FRMD5: variants seen among roughly 807,000 people sequenced by gnomAD.
The protein encoded by FRMD5 is FERM domain containing 5.
In FRMD5, 20 loss-of-function variants were observed where a neutral mutation model predicts 69.0. The ratio of observed to expected loss-of-function variants is 0.29; its 90% CI spans 0.20 to 0.42. The LOEUF (loss-of-function observed/expected upper bound fraction) is 0.42, where lower values mean the gene tolerates loss of function less well. Ranked by LOEUF, FRMD5 falls within the 10% of genes least tolerant of loss-of-function variation. The pLI is 1.00. For missense variants in FRMD5, 595 were observed against 708.6 expected (o/e 0.84, Z 1.82); for synonymous variants, 271 against 260.1 (o/e 1.04, Z -0.40).
rs533066687 is a variant in FRMD5 at position 44,001,018 on chromosome 15, T to C, written c.103-76709A>G. 5.9e-5 allele frequency among the ~76,000 whole-genome samples: 9 copies of C among 152,270 alleles called. No homozygotes were observed. The East Asian group carries it at 1.7e-3, about 29-fold the overall frequency. On this transcript the variant is annotated intron_variant, in intron 1 of 13. Transcript: ENST00000417257. ...CTAATTTACATTCCCATTAAGAGTG[T>C]ACAAGGGTTCCCTTTTCTCACCGAT... is the stretch of plus-strand genomic sequence containing the variant.
chr15:44,106,684 C>T (rs1328408461), intron 1 of FRMD5, among the ~76,000 whole-genome samples: 1 of 151,992 alleles, frequency 6.6e-6, no homozygotes, highest in African/African-American at 2.4e-5. Context: ...TGTGTAAGAT[C>T]TCTGCACTTA....
intron 3 of FRMD5, 53 bp from the exon 4 acceptor site, chr15:43,919,590 AG>A: frequency 6.5e-7 from 1 of 1,546,912 alleles, no homozygotes; most frequent in Middle Eastern, 1.7e-4. Context: ...AGAAGAGGAC[AG>A]GGCTCTTCTG....
At chr15:44,002,252 T>C (rs1890246408) in intron 1 of FRMD5, among the ~76,000 whole-genome samples, 1 of 152,144 alleles carries the variant, frequency 6.6e-6, no homozygotes, top group Non-Finnish European at 1.5e-5. Context: ...GTGTGATCAT[T>C]GTTATTGGAG....
At chr15:44,002,279 C>A (rs1890248237) in intron 1 of FRMD5, among the ~76,000 whole-genome samples, 1 of 152,032 alleles carries the variant, frequency 6.6e-6, no homozygotes, top group South Asian at 2.1e-4. Context: ...TCGTCACAGG[C>A]CTTCTCAGTA....
intron 1 of FRMD5, among the ~76,000 whole-genome samples, chr15:44,190,850 C>T (rs1238528414): frequency 6.6e-6 from 1 of 152,180 alleles, no homozygotes; most frequent in African/African-American, 2.4e-5. Flanking sequence ...AGGCATCGAA[C>T]TAGATGTGAT....
intron 1 of FRMD5, among the ~76,000 whole-genome samples, chr15:43,985,087 C>T (rs1326114845): frequency 3.3e-5 from 5 of 151,392 alleles, no homozygotes; most frequent in Non-Finnish European, 5.9e-5. Context: ...AAGACCATCC[C>T]GGCTAACATG....
chr15:44,126,864 G>C (rs1274739877), intron 1 of FRMD5, among the ~76,000 whole-genome samples: 1 of 152,128 alleles, frequency 6.6e-6, no homozygotes, highest in Non-Finnish European at 1.5e-5. Flanking sequence ...CTAGAAGTAA[G>C]GGGAATAGTC....
At chr15:44,017,060 C>T (rs563003802) in intron 1 of FRMD5, among the ~76,000 whole-genome samples, 86 of 151,876 alleles carry the variant, frequency 5.7e-4, no homozygotes, top group African/African-American at 2.0e-3. Context: ...ATGAACTGGC[C>T]GGGTGCGGTG....
chr15:44,182,324 C>CT (rs71111843), intron 1 of FRMD5, among the ~76,000 whole-genome samples: 11 of 85,644 alleles, frequency 1.3e-4, no homozygotes, highest in East Asian at 9.5e-4. Flanking sequence ...CATTGCTTTT[C>CT]TTTTTTTTTT....
intron 1 of FRMD5, among the ~76,000 whole-genome samples, chr15:44,137,931 G>A (rs1387277225): frequency 6.6e-6 from 1 of 152,110 alleles, no homozygotes; most frequent in African/African-American, 2.4e-5. Flanking sequence ...ATGTCATACT[G>A]TACAATAAAA....
intron 1 of FRMD5, among the ~76,000 whole-genome samples, chr15:44,181,252 C>G (rs2077996131): frequency 6.6e-6 from 1 of 151,952 alleles, no homozygotes; most frequent in Admixed American, 6.6e-5. Flanking sequence ...CTATGTTGCC[C>G]AGGCTGGTCT....
intron 13 of FRMD5, chr15:43,879,892 G>C (rs2088476262): frequency 2.7e-6 from 1 of 371,206 alleles, no homozygotes; most frequent in Non-Finnish European, 4.8e-6. Context: ...TGCAGGGAAG[G>C]AGCAGCTCTG....
intron 1 of FRMD5, among the ~76,000 whole-genome samples, chr15:43,999,953 C>CATATATAT (rs34872140): frequency 1.4e-3 from 118 of 82,856 alleles, no homozygotes; most frequent in African/African-American, 5.2e-3. Flanking sequence ...ATATGCCATG[C>CATATATAT]ATATATATAT....
chr15:43,940,123 A>T (rs1324413294), intron 1 of FRMD5, among the ~76,000 whole-genome samples: 2 of 152,104 alleles, frequency 1.3e-5, no homozygotes, highest in Non-Finnish European at 2.9e-5. Flanking sequence ...GTTGCGGTGA[A>T]CCCAGATGGA....
At chr15:43,895,590 G>A (rs1192858673) in intron 7 of FRMD5, among the ~76,000 whole-genome samples, 6 of 152,368 alleles carry the variant, frequency 3.9e-5, no homozygotes, top group Admixed American at 6.5e-5. Context: ...CATTTCATAA[G>A]CAATAATAGC....
intron 13 of FRMD5, chr15:43,879,742 G>C (rs972603947): frequency 5.0e-6 from 2 of 398,394 alleles, no homozygotes; most frequent in Non-Finnish European, 4.4e-6. Context: ...GCCAGGCAGG[G>C]AGAGATACAG....
At chr15:44,064,017 C>A in intron 1 of FRMD5, 1 of 220,052 alleles carries the variant, frequency 4.5e-6, no homozygotes, top group East Asian at 1.3e-4. Context: ...ACAATTCTGG[C>A]ATCATGGAAG....
At chr15:44,037,463 TTTTCTC>T (rs1891969339) in intron 1 of FRMD5, among the ~76,000 whole-genome samples, 2 of 151,266 alleles carry the variant, frequency 1.3e-5, no homozygotes, top group Middle Eastern at 6.8e-3. Context: ...TACATGTGTC[TTTTCTC>T]TTTTTTTTTT....
intron 1 of FRMD5, among the ~76,000 whole-genome samples, chr15:44,113,330 T>A (rs2140601209): frequency 6.6e-6 from 1 of 152,370 alleles, no homozygotes; most frequent in Non-Finnish European, 1.5e-5. Flanking sequence ...AACATGGACT[T>A]TGAAGTCAGA....
Sources: allele counts gnomAD v4.1 joint callset (sites outside exome capture counted in the v4.1 genomes callset), GRCh38; gene constraint gnomAD v4.1.1; transcripts MANE v1.5; gene names NCBI Gene and HGNC (gene_info 2026-07-23, HGNC 2026-07-21).